The following ZSWIM5 variants were observed in gnomAD, a reference collection of about 807,000 sequenced individuals.
ZSWIM5 encodes the protein zinc finger SWIM-type containing 5, also known as zinc finger SWIM domain-containing protein 5.
Under a neutral mutation model 119.6 loss-of-function variants are expected in ZSWIM5, and 55 were observed. That is an observed-to-expected ratio of 0.46 (90% CI 0.37 to 0.58). The LOEUF (loss-of-function observed/expected upper bound fraction) is 0.58, where lower values mean the gene tolerates loss of function less well. Among genes scored for constraint, ZSWIM5 ranks in the 20% least tolerant of loss-of-function variants. The probability of loss-of-function intolerance (pLI) is 0.00; values close to 1 mark genes in which losing one functional copy is unlikely to be tolerated. For synonymous variants in ZSWIM5, 537 were observed against 606.9 expected, an observed-to-expected ratio of 0.88 and a Z score of 1.69; for missense variants, 1,193 against 1,512.8, an observed-to-expected ratio of 0.79 and a Z score of 3.51.
intron 7 of ZSWIM5, 85 bp downstream of exon 7, chr1:45,040,297 ACCCGGAATTC>A (rs1426547946): frequency 4.6e-6 from 6 of 1,303,458 alleles, no homozygotes; most frequent in African/African-American, 3.0e-5. Context: ...AAGGAGAATG[ACCCGGAATTC>A]CCTAGTTCTT....
At chr1:45,069,536 A>G (rs1349217752) in intron 2 of ZSWIM5, among the ~76,000 whole-genome samples, 1 of 152,036 alleles carries the variant, frequency 6.6e-6, no homozygotes, top group Non-Finnish European at 1.5e-5. Flanking sequence ...ATTAACCCCT[A>G]TTAGTTAAAC....
rs555789545 is a variant in ZSWIM5 at position 45,024,443 on chromosome 1, C to T, written c.2450-3655G>A. On this transcript the variant is annotated intron_variant, in intron 11 of 13. Coordinates refer to ENST00000359600, the MANE Select transcript of ZSWIM5 (RefSeq NM_020883.2). Reference sequence around the variant, plus strand: ...CTGACCTCAGGTGATCCACCTGCCTCGACCTCCCCAAGGGCTGGGATTACA... The same window carrying T: ...CTGACCTCAGGTGATCCACCTGCCTTGACCTCCCCAAGGGCTGGGATTACA... Among the ~76,000 whole-genome samples the T allele has an allele frequency of 7.2e-3, 1,100 of 152,020 alleles. 10 individuals are homozygous for T. Among genetic ancestry groups the T allele is most frequent in the Non-Finnish European group, 9.8e-3 (663 of 67,980 alleles).
At chr1:45,201,899 AAATTCAGGTCTC>A (rs1392819933) in intron 1 of ZSWIM5, among the ~76,000 whole-genome samples, 1 of 152,098 alleles carries the variant, frequency 6.6e-6, no homozygotes, top group African/African-American at 2.4e-5. Flanking sequence ...CTCATACTCA[AAATTCAGGTCTC>A]TCTCTGTTTT....
chr1:45,135,024 A>C (rs375142834), intron 1 of ZSWIM5, among the ~76,000 whole-genome samples: 3 of 152,148 alleles, frequency 2.0e-5, no homozygotes, highest in Admixed American at 2.0e-4. Flanking sequence ...GTCTATTGTG[A>C]ATAATGCTAC....
chr1:45,171,997 A>G (rs902113128), intron 1 of ZSWIM5, among the ~76,000 whole-genome samples: 3 of 152,248 alleles, frequency 2.0e-5, no homozygotes, highest in African/African-American at 7.2e-5. Flanking sequence ...TTAAAGAATC[A>G]TAAGTTCATT....
chr1:45,171,489 G>C (rs568902326), intron 1 of ZSWIM5, among the ~76,000 whole-genome samples: 1 of 152,124 alleles, frequency 6.6e-6, no homozygotes, highest in African/African-American at 2.4e-5. Context: ...TGAAACGAAA[G>C]TCTACTAACA....
intron 1 of ZSWIM5, among the ~76,000 whole-genome samples, chr1:45,146,350 A>ATTTTTTTTTTTTT (rs1645759496): frequency 6.6e-6 from 1 of 151,700 alleles, no homozygotes. Context: ...TAGTCTGAAA[A>ATTTTTTTTTTTTT]CAAAAGCAAA....
chr1:45,134,155 C>T (rs558018848), intron 1 of ZSWIM5, among the ~76,000 whole-genome samples: 2 of 152,014 alleles, frequency 1.3e-5, no homozygotes, highest in African/African-American at 2.4e-5. Context: ...AAGAAAGTCA[C>T]TGGTAGCTTG....
At chr1:45,068,869 T>C (rs1025777694) in intron 2 of ZSWIM5, among the ~76,000 whole-genome samples, 3 of 140,248 alleles carry the variant, frequency 2.1e-5, no homozygotes, top group Admixed American at 7.7e-5. Flanking sequence ...GGTGCCATTG[T>C]AGCTTGCTGC....
intron 1 of ZSWIM5, among the ~76,000 whole-genome samples, chr1:45,147,248 C>T (rs1271658555): frequency 6.6e-6 from 1 of 151,824 alleles, no homozygotes; most frequent in Non-Finnish European, 1.5e-5. Flanking sequence ...CTAGCACTAT[C>T]AACTTTTAAA....
intron 1 of ZSWIM5, among the ~76,000 whole-genome samples, chr1:45,105,401 C>G: frequency 6.6e-6 from 1 of 151,996 alleles, no homozygotes; most frequent in Non-Finnish European, 1.5e-5. Context: ...CGTCTCTGCC[C>G]GGCCGCCCAT....
intron 1 of ZSWIM5, among the ~76,000 whole-genome samples, chr1:45,147,586 A>G (rs1485175671): frequency 7.8e-6 from 1 of 127,498 alleles, no homozygotes; most frequent in African/African-American, 2.6e-5. Flanking sequence ...TACACATGCA[A>G]AAAAAAAAAA....
At chr1:45,139,472 CTCT>C (rs1645713779) in intron 1 of ZSWIM5, among the ~76,000 whole-genome samples, 2 of 133,290 alleles carry the variant, frequency 1.5e-5, no homozygotes, top group South Asian at 5.0e-4. Context: ...CCCTCTCTCT[CTCT>C]TTTTTTTTTT....
intron 11 of ZSWIM5, among the ~76,000 whole-genome samples, chr1:45,023,543 T>G (rs1244875495): frequency 6.6e-6 from 1 of 151,158 alleles, no homozygotes; most frequent in African/African-American, 2.4e-5. Context: ...AGAAACCATG[T>G]CTTTTTATTT....
At position 45,043,108 on chromosome 1, in the gene ZSWIM5, G is replaced by A. The variant is rs1645025838; in HGVS notation, c.1609+111C>T. On this transcript the variant is annotated intron_variant, in intron 6 of 13. Coordinates refer to ENST00000359600, the MANE Select transcript of ZSWIM5 (RefSeq NM_020883.2). ...AATAAAAGCCCCAAAATATCTGTGT[G>A]AAAACTGTCCAAATTGTAGTTTGAG... The A allele has an allele frequency of 2.6e-6, 3 of 1,133,682 alleles. No individual in the cohort carries two copies. In the Middle Eastern group the frequency reaches 9.0e-4, roughly 341 times the overall value. 70.2% of individuals were successfully genotyped at this position (1,133,682 alleles called of 1,614,324 possible).
chr1:45,173,584 C>T (rs1260781416), intron 1 of ZSWIM5, among the ~76,000 whole-genome samples: 2 of 152,012 alleles, frequency 1.3e-5, no homozygotes, highest in African/African-American at 2.4e-5. Flanking sequence ...ACACAGGAGC[C>T]GGGCTCTAAC....
chr1:45,106,940 G>A (rs1645483625), intron 1 of ZSWIM5, among the ~76,000 whole-genome samples: 1 of 152,196 alleles, frequency 6.6e-6, no homozygotes, highest in South Asian at 2.1e-4. Flanking sequence ...TCTGAAACAT[G>A]TGCGTGTCAA....
chr1:45,059,422 A>G (rs753434030), intron 3 of ZSWIM5, among the ~76,000 whole-genome samples: 3 of 152,208 alleles, frequency 2.0e-5, no homozygotes, highest in Non-Finnish European at 4.4e-5. Flanking sequence ...ATACTATATG[A>G]ATGATTCCAT....
At chr1:45,070,709 T>C (rs1645216937) in intron 2 of ZSWIM5, among the ~76,000 whole-genome samples, 1 of 152,246 alleles carries the variant, frequency 6.6e-6, no homozygotes, top group African/African-American at 2.4e-5. Flanking sequence ...TCCACACTGT[T>C]GACCATTCAC....
Sources: allele counts gnomAD v4.1 joint callset (sites outside exome capture counted in the v4.1 genomes callset), GRCh38; gene constraint gnomAD v4.1.1; transcripts MANE v1.5; gene names NCBI Gene and HGNC (gene_info 2026-07-23, HGNC 2026-07-21).